The following SPRY3 variants were observed in gnomAD, a reference collection of about 807,000 sequenced individuals.
SPRY3 encodes the protein protein sprouty homolog 3.
SPRY3 carries 15 observed loss-of-function variants against 20.2 expected under a neutral mutation model. The observed-to-expected ratio is 0.74, with a 90% CI of 0.50 to 1.14. SPRY3 has a LOEUF of 1.14. Among genes scored for constraint, SPRY3 ranks in the 50% most tolerant of loss-of-function variants. The pLI, the probability that SPRY3 is intolerant of heterozygous loss-of-function variation, is 0.00. For synonymous variants in SPRY3, 143 were observed against 136.5 expected (o/e 1.05, Z -0.33); for missense variants, 364 against 363.9 (o/e 1.00, Z 0.00).
intron 2 of SPRY3, among the ~76,000 whole-genome samples, chrX:155,708,161 T>A (rs921567027): frequency 6.6e-6 from 1 of 151,384 alleles, no homozygotes; most frequent in Non-Finnish European, 1.5e-5. Context: ...ATGTGTTTCC[T>A]TCAGCTCAAA....
intron 1 of SPRY3, among the ~76,000 whole-genome samples, chrX:155,652,336 T>G (rs2124545845): frequency 9.0e-6 from 1 of 111,541 alleles, no homozygotes; most frequent in East Asian, 2.8e-4. Flanking sequence ...TAGGTCTGAT[T>G]CATTCTTTCT....
At chrX:155,681,346 C>T (rs1462664642) in intron 2 of SPRY3, among the ~76,000 whole-genome samples, 2 of 112,115 alleles carry the variant, frequency 1.8e-5, no homozygotes, top group African/African-American at 6.5e-5. Context: ...TTGCCTTCCA[C>T]CATAATTGTG....
At chrX:155,628,378 A>G (rs144845659) in intron 1 of SPRY3, among the ~76,000 whole-genome samples, 1,397 of 112,370 alleles carry the variant, frequency 0.012, 16 homozygotes, top group Non-Finnish European at 0.014. Flanking sequence ...AAAAGAAACT[A>G]TCATCAGAGC....
chrX:155,616,936 T>C (rs1275646463), intron 1 of SPRY3, among the ~76,000 whole-genome samples: 2 of 110,201 alleles, frequency 1.8e-5, no homozygotes, highest in African/African-American at 3.3e-5. Context: ...TACTTTACTG[T>C]ATTTATGGAG....
intron 2 of SPRY3, among the ~76,000 whole-genome samples, chrX:155,730,339 T>C (rs750322849): frequency 7.9e-5 from 12 of 152,264 alleles, no homozygotes; most frequent in African/African-American, 1.9e-4. Flanking sequence ...TCATTCATCA[T>C]GACCAAGTGG....
At chrX:155,652,155 C>T (rs782285894) in intron 1 of SPRY3, among the ~76,000 whole-genome samples, 1 of 111,581 alleles carries the variant, frequency 9.0e-6, no homozygotes, top group Non-Finnish European at 1.9e-5. Context: ...TAATCTCCCA[C>T]TAGGCCCCTC....
intron 1 of SPRY3, among the ~76,000 whole-genome samples, chrX:155,628,925 C>CATTT (rs1469976338): frequency 3.6e-5 from 4 of 111,521 alleles, no homozygotes; most frequent in Admixed American, 9.5e-5. Context: ...ACCTGTTGAC[C>CATTT]ATTTGTATGT....
At chrX:155,616,339 C>T (rs782150652) in intron 1 of SPRY3, among the ~76,000 whole-genome samples, 1 of 110,173 alleles carries the variant, frequency 9.1e-6, no homozygotes, top group Admixed American at 9.7e-5. Flanking sequence ...CTCTGAAAAG[C>T]AAATCTACAG....
At chrX:155,732,911 C>A (rs1034280821) in intron 2 of SPRY3, among the ~76,000 whole-genome samples, 1 of 151,862 alleles carries the variant, frequency 6.6e-6, no homozygotes, top group Non-Finnish European at 1.5e-5. Context: ...GGACAATCTT[C>A]GCTTTCATTT....
At chrX:155,645,659 A>G (rs1489754040) in intron 1 of SPRY3, among the ~76,000 whole-genome samples, 1 of 112,425 alleles carries the variant, frequency 8.9e-6, no homozygotes, top group Admixed American at 9.4e-5. Flanking sequence ...CCAAATGCAC[A>G]GATTCTCTCT....
chrX:155,623,487 T>C (rs1443256210), intron 1 of SPRY3, among the ~76,000 whole-genome samples: 1 of 112,084 alleles, frequency 8.9e-6, no homozygotes, highest in African/African-American at 3.2e-5. Flanking sequence ...TTTATGCACT[T>C]TTTATTGAAC....
In SPRY3 at chrX:155,747,994, T is replaced by C. The variant is rs1172018450; in HGVS notation, c.-281-19968T>C. Among the ~76,000 whole-genome samples the C allele has an allele frequency of 5.3e-5, 8 of 152,092 alleles. No homozygotes were observed. In the South Asian group the frequency reaches 1.7e-3, roughly 32 times the overall value. ...TATATACTTATACGATTTATATACT[T>C]ATTATACTTATCTCATAAGGGACTG... On this transcript the variant is annotated intron_variant, in intron 2 of 3. Coordinates refer to ENST00000675360, the Ensembl canonical transcript of SPRY3.
chrX:155,781,133 T>TGG (rs1865639080), downstream of SPRY3: 1 of 166,440 alleles, frequency 6.0e-6, no homozygotes, highest in Non-Finnish European at 1.5e-5. Flanking sequence ...GAGAGATGGG[T>TGG]GGAGACTTGG....
intron 2 of SPRY3, among the ~76,000 whole-genome samples, chrX:155,757,258 C>T (rs1280864237): frequency 6.6e-6 from 1 of 152,130 alleles, no homozygotes; most frequent in Admixed American, 6.5e-5. Flanking sequence ...TCTCTTTGCT[C>T]CTCCTAGAAC....
intron 2 of SPRY3, among the ~76,000 whole-genome samples, chrX:155,715,125 C>G (rs2091013167): frequency 6.6e-6 from 1 of 152,036 alleles, no homozygotes; most frequent in Admixed American, 6.6e-5. Flanking sequence ...TTACTTTTTC[C>G]TCTGCTTTTC....
At chrX:155,658,680 T>C (rs1166079300) in intron 2 of SPRY3, among the ~76,000 whole-genome samples, 2 of 112,018 alleles carry the variant, frequency 1.8e-5, no homozygotes, top group Non-Finnish European at 3.8e-5. Flanking sequence ...TTTATTCATT[T>C]CTCTTGCCTT....
chrX:155,695,092 A>T (rs758959680), intron 2 of SPRY3, among the ~76,000 whole-genome samples: 45 of 112,354 alleles, frequency 4.0e-4, no homozygotes, highest in Non-Finnish European at 6.0e-4. Flanking sequence ...TAAAGAAATT[A>T]TGAGGGAAAA....
At chrX:155,693,728 T>G (rs1301996605) in intron 2 of SPRY3, among the ~76,000 whole-genome samples, 1 of 112,442 alleles carries the variant, frequency 8.9e-6, no homozygotes, top group Non-Finnish European at 1.9e-5. Flanking sequence ...GTTTAAAGTG[T>G]GCCATTTTGA....
intron 3 of SPRY3, among the ~76,000 whole-genome samples, chrX:155,770,823 A>G (rs9645286): frequency 0.44 from 66,915 of 151,856 alleles, 15,089 homozygotes; most frequent in East Asian, 0.71. Flanking sequence ...CTTTCTCAAC[A>G]TATTTTTCCC....
Sources: allele counts gnomAD v4.1 joint callset (sites outside exome capture counted in the v4.1 genomes callset), GRCh38; gene constraint gnomAD v4.1.1; transcripts MANE v1.5; gene names NCBI Gene and HGNC (gene_info 2026-07-23, HGNC 2026-07-21).